Variants in PTPRF observed in about 807,000 individuals in gnomAD.
PTPRF encodes protein tyrosine phosphatase receptor type F.
A neutral mutation model predicts 201.8 loss-of-function variants in PTPRF; 59 were observed. That is an observed-to-expected ratio of 0.29 (90% confidence interval 0.24 to 0.36). The LOEUF is 0.36. Among genes scored for constraint, PTPRF ranks in the 10% least tolerant of loss-of-function variants. The pLI, the probability that PTPRF is intolerant of heterozygous loss-of-function variation, is 1.00. For synonymous variants in PTPRF, 1,088 were observed against 1,089.7 expected (o/e 1.00, Z 0.03); for missense variants, 2,132 against 2,690.5 (o/e 0.79, Z 4.59).
chr1:43,583,166 G>A (rs961005822), intron 7 of PTPRF: 2 of 936,470 alleles, frequency 2.1e-6, no homozygotes, highest in Non-Finnish European at 1.3e-6. Context: ...AGGGCCCAGC[G>A]GGCTCGGTCA....
intron 33 of PTPRF, 71 bp downstream of exon 33, chr1:43,621,303 A>T (rs1353365062): frequency 3.8e-6 from 6 of 1,569,282 alleles, no homozygotes; most frequent in Middle Eastern, 1.8e-4. Context: ...CTTTAGCAAC[A>T]GTTTGATGCC....
intron 22 of PTPRF, among the ~76,000 whole-genome samples, chr1:43,610,074 G>T (rs1656084039): frequency 6.6e-6 from 1 of 152,060 alleles, no homozygotes; most frequent in South Asian, 2.1e-4. Flanking sequence ...CTCTCCTCTT[G>T]CCCACACCCC....
At chr1:43,540,275 C>T (rs1375763187) in intron 2 of PTPRF, among the ~76,000 whole-genome samples, 1 of 152,174 alleles carries the variant, frequency 6.6e-6, no homozygotes, top group Non-Finnish European at 1.5e-5. Context: ...TTGAGAACCT[C>T]TGGTCTACAG....
At position 43,590,206 on chromosome 1, in the gene PTPRF, C is replaced by T. The variant is rs553459468; in HGVS notation, c.950-766C>T. 1.6e-4 allele frequency among the ~76,000 whole-genome samples: 25 copies of T among 152,300 alleles called. No individual in the cohort carries two copies. The South Asian group carries it at 1.9e-3, about 11-fold the overall frequency. On this transcript the variant is annotated intron_variant, in intron 8 of 33. Coordinates refer to ENST00000359947, the MANE Select transcript of PTPRF (RefSeq NM_002840.5). ...CCAGGCCTCAGCTTGGTGATGCTTT[C>T]CTTCCCTCATCACCGCATCCAAGGA...
upstream of PTPRF, among the ~76,000 whole-genome samples, chr1:43,523,548 G>A (rs974924840): frequency 4.6e-5 from 7 of 152,070 alleles, no homozygotes; most frequent in Non-Finnish European, 8.8e-5. Context: ...AGAAGTTAGG[G>A]TTTGAAGAAT....
intron 6 of PTPRF, among the ~76,000 whole-genome samples, chr1:43,576,300 C>T (rs747429259): frequency 7.9e-5 from 12 of 152,238 alleles, no homozygotes; most frequent in Non-Finnish European, 1.5e-4. Flanking sequence ...AGGAGTGTGA[C>T]CAAGCCTTGC....
At chr1:43,586,280 C>T (rs1649123112) in intron 7 of PTPRF, among the ~76,000 whole-genome samples, 1 of 152,216 alleles carries the variant, frequency 6.6e-6, no homozygotes, top group South Asian at 2.1e-4. Flanking sequence ...GGCTGCTCCT[C>T]TGTGCTGCCC....
Position 43,588,323 on chromosome 1 carries a change from T to C in PTPRF, c.680-408T>C, listed in dbSNP as rs1649704775. Among the ~76,000 whole-genome samples the C allele has an allele frequency of 6.6e-6, 1 of 152,148 alleles. No individual in the cohort carries two copies. The highest frequency in any genetic ancestry group is 2.1e-4 in the South Asian group (1 of 4,830). ...CCACCCTAGGGCCTGCTTTCTCTCCTTGGTGCTCCAGCCAGGAGCAGGCAG... is the reference window on the plus strand; with the variant it reads ...CCACCCTAGGGCCTGCTTTCTCTCCCTGGTGCTCCAGCCAGGAGCAGGCAG... On this transcript the variant is annotated intron_variant, in intron 7 of 33. Transcript: ENST00000359947. This position sits in a 1 kb window ranked among gnomAD's most constrained non-coding sequence, Gnocchi z 5.3.
intron 2 of PTPRF, among the ~76,000 whole-genome samples, chr1:43,544,800 C>T (rs1463704905): frequency 1.3e-5 from 2 of 152,098 alleles, no homozygotes; most frequent in Non-Finnish European, 2.9e-5. Flanking sequence ...TTTCTCCCTC[C>T]ACCGTGACTG....
At chr1:43,611,479 A>AAG (rs1254845845) in intron 22 of PTPRF, among the ~76,000 whole-genome samples, 1 of 152,174 alleles carries the variant, frequency 6.6e-6, no homozygotes, top group African/African-American at 2.4e-5. Context: ...ATACTGAGCC[A>AAG]AGAGAAGACT....
chr1:43,529,996 A>G (rs574348235), upstream of PTPRF, among the ~76,000 whole-genome samples: 16 of 152,188 alleles, frequency 1.1e-4, no homozygotes, highest in Non-Finnish European at 1.5e-5. Context: ...ACACTAGGTC[A>G]GAGAAGTGGA....
In PTPRF at chr1:43,553,853, G is replaced by A. The variant is rs753057888; in HGVS notation, c.291G>A (p.Arg97=). The A allele has an allele frequency of 6.2e-7, 1 of 1,614,182 alleles. No homozygotes were observed. Among genetic ancestry groups the A allele is most frequent in the East Asian group, 2.2e-5 (1 of 44,884 alleles). Residue 97 remains arginine (R), a synonymous_variant, in exon 5 of 34, where the codon CGG becomes CGA. Coordinates refer to ENST00000359947, the MANE Select transcript of PTPRF (RefSeq NM_002840.5). This position sits in a 1 kb window ranked among gnomAD's most constrained non-coding sequence, Gnocchi z 4.1. ...AGSVLRIQPL[R]VQRDEAIYEC... is the part of the protein sequence containing the mutation. Reference sequence around the variant, plus strand: ...CAGTGCTTCGGATCCAGCCATTGCGGGTGCAGCGAGATGAAGCCATCTATG... The same window carrying A: ...CAGTGCTTCGGATCCAGCCATTGCGAGTGCAGCGAGATGAAGCCATCTATG...
At chr1:43,550,597 A>G (rs1283025078) in intron 3 of PTPRF, among the ~76,000 whole-genome samples, 1 of 152,336 alleles carries the variant, frequency 6.6e-6, no homozygotes, top group Non-Finnish European at 1.5e-5. Flanking sequence ...CCAGACAGGC[A>G]TGCTATCTGC....
At position 43,597,860 on chromosome 1, in the gene PTPRF, C is replaced by T. The variant is rs1376000093; in HGVS notation, c.1926C>T (p.Tyr642=). Residue 642 remains tyrosine, a synonymous_variant, in exon 12 of 34, where the codon TAC becomes TAT. Transcript: ENST00000359947. Reference sequence around the variant, plus strand: ...GCCGCAACGGCGTTATCACCCAGTACTCCGTGGCCTACGAGGCGGTGGACG... The same window carrying T: ...GCCGCAACGGCGTTATCACCCAGTATTCCGTGGCCTACGAGGCGGTGGACG... The part of the protein sequence containing the change: ...ADSRNGVITQ[Y]SVAYEAVDGE... 1.2e-6 allele frequency: 2 copies of T among 1,608,780 alleles called. No individual in the cohort carries two copies. The highest frequency in any genetic ancestry group is 1.3e-5 in the African/African-American group (1 of 75,024).
At chr1:43,526,680 C>T (rs1461190851), upstream of PTPRF, among the ~76,000 whole-genome samples, 4 of 152,118 alleles carry the variant, frequency 2.6e-5, 1 homozygote, top group South Asian at 6.2e-4. Context: ...TGGCTGCATG[C>T]GATTCGAAAG....
rs1402019098 is a variant in PTPRF at position 43,620,257 on chromosome 1, C to T, written c.5238+36C>T. The T allele has an allele frequency of 3.1e-6, 5 of 1,610,190 alleles. No homozygotes were observed. In the Admixed American group the frequency reaches 8.4e-5, roughly 27 times the overall value. On this transcript the variant is annotated intron_variant, in intron 30 of 33. Coordinates refer to ENST00000359947, the MANE Select transcript of PTPRF (RefSeq NM_002840.5). ...CCTTTCCCCCAGGGCCCCTGTCATA[C>T]CTGGGAGAACACCAGCCACCCTTGG...
intron 5 of PTPRF, among the ~76,000 whole-genome samples, chr1:43,560,659 C>T (rs960756974): frequency 3.3e-5 from 5 of 152,264 alleles, no homozygotes; most frequent in African/African-American, 9.6e-5. Context: ...GCTGTTGGTC[C>T]GCCAGGAAGT....
intron 5 of PTPRF, among the ~76,000 whole-genome samples, chr1:43,565,879 G>A (rs947817514): frequency 2.0e-5 from 3 of 152,110 alleles, no homozygotes; most frequent in African/African-American, 4.8e-5. Context: ...GCCCTTCCGC[G>A]GCAGCGCCCG....
chr1:43,619,449 C>T lies in PTPRF; in HGVS notation c.4808C>T (p.Ala1603Val), dbSNP rs373838949. 86 of 1,613,976 alleles carry T rather than the reference C, an allele frequency of 5.3e-5. No homozygotes were observed. The highest frequency in any genetic ancestry group is 6.4e-5 in the Non-Finnish European group (76 of 1,180,046). ...TEDQYVFIHE[A>V]LLEAATCGHT... ...GACCAGTACGTGTTCATCCATGAGG[C>T]GCTGCTGGAGGCTGCCACGTGCGGC... Residue 1603 changes from alanine (A) to valine (V), a missense_variant, in exon 28 of 34, where the codon GCG becomes GTG. Transcript: ENST00000359947.
Sources: allele counts gnomAD v4.1 joint callset (sites outside exome capture counted in the v4.1 genomes callset), GRCh38; gene constraint gnomAD v4.1.1; non-coding constraint Gnocchi (gnomAD v3.1); transcripts MANE v1.5; gene names NCBI Gene and HGNC (gene_info 2026-07-23, HGNC 2026-07-21).